Variants in CTC1 observed in about 807,000 individuals in gnomAD.
CTC1 encodes the protein CST telomere replication complex component 1.
CTC1 carries 91 observed loss-of-function variants against 136.3 expected under a neutral mutation model. The observed-to-expected ratio is 0.67, with a 90% confidence interval of 0.56 to 0.79. The LOEUF is 0.79. Ranked by LOEUF, CTC1 falls within the 30% of genes least tolerant of loss-of-function variation. The probability of loss-of-function intolerance (pLI) is 0.00; values close to 1 mark genes in which losing one functional copy is unlikely to be tolerated. For missense variants in CTC1, 1,432 were observed against 1,498.1 expected (o/e 0.96, Z 0.73); for synonymous variants, 606 against 613.8 (o/e 0.99, Z 0.19).
At chr17:8,229,483 A>G (rs370315937) in intron 18 of CTC1, 37 bp from the exon 19 acceptor site, 2 of 1,590,552 alleles carry the variant, frequency 1.3e-6, no homozygotes, top group Non-Finnish European at 1.7e-6. Flanking sequence ...AGGGGTCAAG[A>G]TAACAGAACA....
Position 8,229,746 on chromosome 17 carries a change from T to C in CTC1, c.3011+145A>G, listed in dbSNP as rs2151501702. ...ATGATAGACACAGAGCATTTTTTAT[T>C]TGGAGTAGAGAAGCTCCTCTGACTC... On this transcript the variant is annotated intron_variant, in intron 18 of 22. Coordinates refer to ENST00000651323, the MANE Select transcript of CTC1 (RefSeq NM_025099.6). The C allele has an allele frequency of 2.9e-6, 2 of 687,782 alleles. 1 individual carries two copies. The highest frequency in any genetic ancestry group is 5.0e-6 in the Non-Finnish European group (2 of 400,374). The allele number at this position is 687,782 out of a possible 1,614,324, so 42.6% of individuals were successfully genotyped here. A position where few individuals can be genotyped will look rare whatever the true frequency, so the allele number is the denominator to read the frequency against.
intron 10 of CTC1, 139 bp downstream of exon 10, chr17:8,234,316 G>A: frequency 3.6e-6 from 3 of 830,066 alleles, no homozygotes; most frequent in Non-Finnish European, 6.0e-6. Flanking sequence ...GAATTGGAGG[G>A]CCAACAACAG....
In CTC1 at chr17:8,243,029, C is replaced by A. The variant is rs779576108; in HGVS notation, c.153G>T (p.Leu51Phe). 2 of 1,613,654 alleles carry A rather than the reference C, an allele frequency of 1.2e-6. No individual in the cohort carries two copies. The highest frequency in any genetic ancestry group is 1.7e-6 in the Non-Finnish European group (2 of 1,179,814). ...LVIDCVKTVW[L>F]SQGRNQGSTL... ...TAGAACCTTGGTTCCTTCCCTGGGA[C>A]AACCAGACAGTCTTCACACAATCAA... Residue 51 changes from leucine (L) to phenylalanine (F), a missense_variant, in exon 2 of 23, where the codon TTG (leucine) becomes TTT (phenylalanine). By Grantham distance (22) the Leu-to-Phe change is conservative. Transcript: ENST00000651323.
intron 4 of CTC1, 65 bp downstream of exon 4, chr17:8,237,966 T>A (rs1987887751): frequency 7.6e-7 from 1 of 1,316,722 alleles, no homozygotes; most frequent in Non-Finnish European, 1.1e-6. Flanking sequence ...TTTCTCTCCC[T>A]CCACTGACCC....
intron 1 of CTC1, among the ~76,000 whole-genome samples, chr17:8,245,138 G>A (rs1040798452): frequency 6.6e-6 from 1 of 152,054 alleles, no homozygotes; most frequent in Non-Finnish European, 1.5e-5. Flanking sequence ...AACAGACACT[G>A]GGTCCTACTT....
rs1021606951 is a variant in CTC1 at position 8,226,616 on chromosome 17, C to T, written c.*1564G>A. 1.3e-5 allele frequency: 2 copies of T among 152,190 alleles called. No individual in the cohort carries two copies. Among genetic ancestry groups the T allele is most frequent in the East Asian group, 1.9e-4 (1 of 5,202 alleles). The allele number at this position is 152,190 out of a possible 1,614,324, so 9.4% of individuals were successfully genotyped here. ...GCTGAAGAAAAAAATATGACGTAGT[C>T]GGCAGGATTCGAACCTGCGCGGGGA... On this transcript the variant is annotated 3_prime_UTR_variant, in exon 23 of 23. Transcript: ENST00000651323.
chr17:8,248,010 A>T lies in CTC1; in HGVS notation c.27T>A (p.Pro9=). The change falls in exon 1 of 23, where the codon CCT becomes CCA. Residue 9 remains proline (P), a synonymous_variant. Coordinates refer to ENST00000651323, the MANE Select transcript of CTC1 (RefSeq NM_025099.6). ...ACGTAATAGCAGCACTCACGGAGGA[A>T]GGGACCTGGGCCCGGCCAGCCGCCA... The part of the protein sequence containing the change: MAAGRAQV[P]SSEQAWLEDA... 7.0e-7 allele frequency: 1 copy of T among 1,434,890 alleles called. No individual in the cohort carries two copies. Among genetic ancestry groups the T allele is most frequent in the Non-Finnish European group, 9.4e-7 (1 of 1,069,068 alleles). The allele number at this position is 1,434,890 out of a possible 1,614,324, so 88.9% of individuals were successfully genotyped here.
chr17:8,243,442 C>A (rs1026734102), intron 1 of CTC1, among the ~76,000 whole-genome samples: 2 of 151,666 alleles, frequency 1.3e-5, no homozygotes, highest in African/African-American at 4.8e-5. Flanking sequence ...TTGCTTGAAC[C>A]CAGGAGGCGG....
In CTC1 at chr17:8,247,809, C is replaced by A. The variant is rs1988885449; in HGVS notation, c.33+195G>T. The stretch of plus-strand genomic sequence containing the variant: ...ACGGAGACCAGTTTAAGGCTCACAG[C>A]GGGCGCCGCGTGAATGAGGGAATAA... On this transcript the variant is annotated intron_variant, in intron 1 of 22. Coordinates refer to ENST00000651323, the MANE Select transcript of CTC1 (RefSeq NM_025099.6). 3 of 612,512 alleles carry A rather than the reference C, an allele frequency of 4.9e-6. No individual in the cohort carries two copies. The South Asian group carries it at 5.8e-5, about 12-fold the overall frequency. 37.9% of individuals were successfully genotyped at this position (612,512 alleles called of 1,614,324 possible).
At position 8,232,044 on chromosome 17, in the gene CTC1, G is replaced by GA. The variant is rs777190676; in HGVS notation, c.2243dup (p.Gly751ArgfsTer40). 3 of 1,575,632 alleles carry GA rather than the reference G, an allele frequency of 1.9e-6. No homozygotes were observed. The highest frequency in any genetic ancestry group is 2.6e-6 in the Non-Finnish European group (3 of 1,165,658). ...GCACCTCTGGACTTGCTCCTGGGGG[G>GA]ACACAAAAATTACGCTTCATGAGGG... On this transcript the variant is annotated frameshift_variant, in exon 13 of 23. Transcript: ENST00000651323. LOFTEE classifies it high-confidence loss of function.
Position 8,238,474 on chromosome 17 carries a change from G to A in CTC1, c.353C>T (p.Thr118Ile). 1.2e-6 allele frequency: 2 copies of A among 1,614,200 alleles called. No individual in the cohort carries two copies. The highest frequency in any genetic ancestry group is 1.7e-6 in the Non-Finnish European group (2 of 1,180,030). The change falls in exon 3 of 23, where the codon ACA becomes ATA. Residue 118 changes from threonine to isoleucine, a missense_variant. Thr to Ile is a moderately conservative substitution (Grantham distance 89). Coordinates refer to ENST00000651323, the MANE Select transcript of CTC1 (RefSeq NM_025099.6). ...TTGTTCCAAGTCTGCCGATAGGTCTGTTAGTGTCCCTAAAAGTAACAGCTG... is the reference window on the plus strand; with the variant it reads ...TTGTTCCAAGTCTGCCGATAGGTCTATTAGTGTCCCTAAAAGTAACAGCTG... ...REQLLLLGTL[T>I]DLSADLEQEC...
intron 2 of CTC1, among the ~76,000 whole-genome samples, chr17:8,242,545 A>AT (rs1334999287): frequency 9.5e-5 from 9 of 95,010 alleles, no homozygotes; most frequent in African/African-American, 2.7e-4. Context: ...AAAAAAAAAA[A>AT]AAAAAAAAAT....
intron 15 of CTC1, chr17:8,231,055 C>T (rs1036083128): frequency 5.3e-5 from 27 of 505,238 alleles, no homozygotes; most frequent in African/African-American, 7.7e-5. Flanking sequence ...GCAGGATAAT[C>T]CTTCGAACCA....
Position 8,238,087 on chromosome 17 carries a change from G to A in CTC1, c.591C>T (p.Pro197=), listed in dbSNP as rs538242855. 15 of 1,614,134 alleles carry A rather than the reference G, an allele frequency of 9.3e-6. No homozygotes were observed. Among genetic ancestry groups the A allele is most frequent in the South Asian group, 6.6e-5 (6 of 91,084 alleles). Residue 197 remains proline (P), a synonymous_variant, in exon 4 of 23, where the codon CCC becomes CCT. Transcript: ENST00000651323. ...GGTAGAGGACAGGGATAGGCGTGAC[G>A]GGGCCAGGACTGATGGTCAAAGGAA... ...PVFPLTISPG[P]VTPIPVLYPE... is the part of the protein sequence containing the mutation.
At chr17:8,245,717 C>T (rs866567253) in intron 1 of CTC1, among the ~76,000 whole-genome samples, 6 of 152,032 alleles carry the variant, frequency 3.9e-5, no homozygotes, top group African/African-American at 7.2e-5. Context: ...GTGGATCGCT[C>T]GAGCCCAGTA....
rs374708035 is a variant in CTC1 at position 8,230,632 on chromosome 17, A to T, written c.2689T>A (p.Ser897Thr). ...LSDNFTDSLVSFSAEILSRTL... is the reference protein window; with the variant it reads ...LSDNFTDSLVTFSAEILSRTL... ...CGTGACAAAATCTCAGCGGAGAAAGACACCAAGGAATCTGTGAAACTGGAA... is the reference window on the plus strand; with the variant it reads ...CGTGACAAAATCTCAGCGGAGAAAGTCACCAAGGAATCTGTGAAACTGGAA... Residue 897 changes from serine (S) to threonine (T), a missense_variant, in exon 16 of 23, where the codon TCT becomes ACT. Transcript: ENST00000651323. 4 of 1,614,096 alleles carry T rather than the reference A, an allele frequency of 2.5e-6. No homozygotes were observed. In the African/African-American group the frequency reaches 5.3e-5, roughly 22 times the overall value.
intron 5 of CTC1, among the ~76,000 whole-genome samples, chr17:8,237,148 A>T (rs566405660): frequency 6.6e-6 from 1 of 151,816 alleles, no homozygotes; most frequent in Non-Finnish European, 1.5e-5. Flanking sequence ...AAGGTCACAT[A>T]CAATCTAAAA....
In CTC1 at chr17:8,228,721, T is replaced by C. The variant is rs1472207064; in HGVS notation, c.3387+6A>G. The C allele has an allele frequency of 6.2e-7, 1 of 1,613,968 alleles. No individual in the cohort carries two copies. Among genetic ancestry groups the C allele is most frequent in the Non-Finnish European group, 8.5e-7 (1 of 1,179,998 alleles). On this transcript the variant is annotated splice_donor_region_variant and intron_variant, in intron 21 of 22. Transcript: ENST00000651323. ...TCCGAGTCCCTCCCTCCCAGCCACA[T>C]TACACCTCAAGTTGGGCTCCAGGCC...
chr17:8,236,948 C>T (rs1011374694), intron 5 of CTC1, among the ~76,000 whole-genome samples: 1 of 151,742 alleles, frequency 6.6e-6, no homozygotes, highest in Non-Finnish European at 1.5e-5. Context: ...AGTTAATAAA[C>T]TTGCACATGT....
Sources: allele counts gnomAD v4.1 joint callset (sites outside exome capture counted in the v4.1 genomes callset), GRCh38; gene constraint gnomAD v4.1.1; transcripts MANE v1.5; gene names NCBI Gene and HGNC (gene_info 2026-07-23, HGNC 2026-07-21).